The following MAML2 variants were observed in gnomAD, a reference collection of about 807,000 sequenced individuals.
The protein encoded by MAML2 is mastermind like transcriptional coactivator 2.
In MAML2, 22 loss-of-function variants were observed where a neutral mutation model predicts 96.1. The observed-to-expected ratio is 0.23, with a 90% CI of 0.16 to 0.33. MAML2 has a LOEUF of 0.33. Ranked by LOEUF, MAML2 falls within the 10% of genes least tolerant of loss-of-function variation. The pLI is 1.00. For synonymous variants in MAML2, 561 were observed against 521.3 expected (o/e 1.08, Z -1.04); for missense variants, 1,367 against 1,392.4 (o/e 0.98, Z 0.29).
At position 96,239,294 on chromosome 11, in the gene MAML2, C is replaced by A. The variant is rs78695443; in HGVS notation, c.513+102089G>T. On this transcript the variant is annotated intron_variant, in intron 1 of 4. Transcript: ENST00000524717. ...CAGCCCACTGAGGTGGCTTTTCTTT[C>A]CTTCCTTGAGTGATGGCAGTAGAAG... 3.7e-3 allele frequency among the ~76,000 whole-genome samples: 571 copies of A among 152,312 alleles called. 2 individuals are homozygous for A. Among genetic ancestry groups the A allele is most frequent in the African/African-American group, 0.013 (546 of 41,552 alleles).
At chr11:96,316,400 G>C (rs1281678346) in intron 1 of MAML2, among the ~76,000 whole-genome samples, 1 of 152,164 alleles carries the variant, frequency 6.6e-6, no homozygotes, top group Non-Finnish European at 1.5e-5. Context: ...ATAAAACAAA[G>C]AAGGGGCTAA....
intron 1 of MAML2, among the ~76,000 whole-genome samples, chr11:96,191,910 G>A (rs984890831): frequency 2.0e-5 from 3 of 152,188 alleles, no homozygotes; most frequent in Non-Finnish European, 4.4e-5. Context: ...CTCAGGAAAT[G>A]GATCATCATG....
chr11:96,170,888 G>T (rs1861281550), intron 1 of MAML2, among the ~76,000 whole-genome samples: 1 of 152,206 alleles, frequency 6.6e-6, no homozygotes, highest in East Asian at 1.9e-4. Context: ...CTAATTTTTT[G>T]TATTTTTAGC....
At chr11:96,088,747 C>T (rs935242344) in intron 2 of MAML2, among the ~76,000 whole-genome samples, 3 of 152,102 alleles carry the variant, frequency 2.0e-5, no homozygotes, top group Admixed American at 2.0e-4. Context: ...TTTTATTATG[C>T]TGCATCCATC....
intron 1 of MAML2, among the ~76,000 whole-genome samples, chr11:96,265,756 C>T (rs1011005231): frequency 1.6e-4 from 25 of 152,326 alleles, no homozygotes; most frequent in African/African-American, 3.4e-4. Context: ...GGCAAAACAA[C>T]ACAGAGTTTG....
At chr11:96,332,020 C>A (rs957471365) in intron 1 of MAML2, among the ~76,000 whole-genome samples, 13 of 152,152 alleles carry the variant, frequency 8.5e-5, no homozygotes, top group African/African-American at 3.1e-4. Context: ...GCAACTCACT[C>A]TCTTTCATTG....
chr11:96,283,560 T>C (rs117064666), intron 1 of MAML2, among the ~76,000 whole-genome samples: 4,223 of 152,314 alleles, frequency 0.028, 87 homozygotes, highest in South Asian at 0.12. Flanking sequence ...TTAGTTGAAG[T>C]ATCTAACTGG....
At chr11:96,002,688 T>C (rs1858102771) in intron 2 of MAML2, among the ~76,000 whole-genome samples, 1 of 105,168 alleles carries the variant, frequency 9.5e-6, no homozygotes, top group African/African-American at 3.9e-5. Context: ...ATGGGGATGG[T>C]GGGGAGCATG....
At chr11:96,099,268 T>C (rs1859883569) in intron 1 of MAML2, among the ~76,000 whole-genome samples, 1 of 152,198 alleles carries the variant, frequency 6.6e-6, no homozygotes, top group African/African-American at 2.4e-5. Flanking sequence ...TATATGACTC[T>C]TGATTTGATT....
intron 2 of MAML2, among the ~76,000 whole-genome samples, chr11:96,090,230 G>A (rs960140745): frequency 3.9e-5 from 6 of 152,008 alleles, no homozygotes; most frequent in East Asian, 1.9e-4. Flanking sequence ...TTATTTCCCC[G>A]ATACTGGTTA....
At chr11:96,169,377 C>T (rs1290947358) in intron 1 of MAML2, among the ~76,000 whole-genome samples, 1 of 152,322 alleles carries the variant, frequency 6.6e-6, no homozygotes. Flanking sequence ...CTGCAGCAAA[C>T]CTGTTCCATC....
chr11:96,182,834 G>A (rs762073711), intron 1 of MAML2, among the ~76,000 whole-genome samples: 1 of 152,064 alleles, frequency 6.6e-6, no homozygotes, highest in Non-Finnish European at 1.5e-5. Flanking sequence ...GAATGGGATG[G>A]AGATCTCCTT....
intron 1 of MAML2, among the ~76,000 whole-genome samples, chr11:96,139,542 C>CTTT (rs10531010): frequency 1.4e-5 from 2 of 146,108 alleles, no homozygotes; most frequent in South Asian, 2.2e-4. Context: ...ATAACAGTTC[C>CTTT]TTTTTTTTTT....
At chr11:96,140,407 G>A (rs926107151) in intron 1 of MAML2, among the ~76,000 whole-genome samples, 1 of 152,204 alleles carries the variant, frequency 6.6e-6, no homozygotes, top group African/African-American at 2.4e-5. Flanking sequence ...CTCTGGTGAG[G>A]TATGTAGTTT....
intron 1 of MAML2, among the ~76,000 whole-genome samples, chr11:96,252,161 G>A (rs1862590589): frequency 6.6e-6 from 1 of 151,554 alleles, no homozygotes; most frequent in African/African-American, 2.4e-5. Context: ...GGAAATATGT[G>A]CTTCTCTCTC....
At chr11:96,153,359 C>G (rs541632783) in intron 1 of MAML2, among the ~76,000 whole-genome samples, 45 of 152,274 alleles carry the variant, frequency 3.0e-4, no homozygotes, top group African/African-American at 9.6e-4. Context: ...CACTTGGGTT[C>G]AAGTCCTTAC....
chr11:96,250,611 T>A (rs1034676339), intron 1 of MAML2, among the ~76,000 whole-genome samples: 6 of 152,204 alleles, frequency 3.9e-5, no homozygotes, highest in African/African-American at 1.4e-4. Context: ...AAATTTTGAA[T>A]GAATGAATAT....
intron 1 of MAML2, among the ~76,000 whole-genome samples, chr11:96,271,831 T>C (rs901418679): frequency 6.6e-6 from 1 of 152,198 alleles, no homozygotes; most frequent in African/African-American, 2.4e-5. Context: ...TTTTCAGTGG[T>C]CTACAAGGCC....
intron 2 of MAML2, among the ~76,000 whole-genome samples, chr11:96,056,350 A>C (rs1447127054): frequency 1.4e-5 from 2 of 145,918 alleles, no homozygotes; most frequent in Non-Finnish European, 3.0e-5. Context: ...CCTTTGGGTC[A>C]CATGTTCTCT....
Sources: allele counts gnomAD v4.1 joint callset (sites outside exome capture counted in the v4.1 genomes callset), GRCh38; gene constraint gnomAD v4.1.1; transcripts MANE v1.5; gene names NCBI Gene and HGNC (gene_info 2026-07-23, HGNC 2026-07-21).